MVK: variants seen among roughly 807,000 people sequenced by gnomAD.
The protein encoded by MVK is mevalonate kinase, also known as LH receptor mRNA-binding protein.
Under a neutral mutation model 43.2 loss-of-function variants are expected in MVK, and 34 were observed. The ratio of observed to expected loss-of-function variants is 0.79; its 90% CI spans 0.60 to 1.05. The LOEUF is 1.05. Ranked by LOEUF, MVK falls within the 50% of genes least tolerant of loss-of-function variation. MVK has a pLI of 0.00. For missense variants in MVK, 395 were observed against 504.0 expected, an observed-to-expected ratio of 0.78 and a Z score of 2.07; for synonymous variants, 190 against 219.8, an observed-to-expected ratio of 0.86 and a Z score of 1.20.
At chr12:109,582,109 G>A (rs1477328566) in intron 5 of MVK, among the ~76,000 whole-genome samples, 10 of 152,180 alleles carry the variant, frequency 6.6e-5, no homozygotes, top group Non-Finnish European at 1.0e-4. Context: ...TATTGACCAC[G>A]TGAGTCAGTG....
At position 109,596,871 on chromosome 12, in the gene MVK, T is replaced by C; in HGVS notation, c.*294T>C. The C allele has an allele frequency of 2.0e-6, 1 of 503,366 alleles. No homozygotes were observed. The highest frequency in any genetic ancestry group is 3.6e-6 in the Non-Finnish European group (1 of 275,800). 31.2% of individuals were successfully genotyped at this position (503,366 alleles called of 1,614,324 possible). ...TCCCTGAAGCTCCCACAGTCCCATCTGCTTCAGGCCCCCGCCTTGGCCTGT... is the reference window on the plus strand; with the variant it reads ...TCCCTGAAGCTCCCACAGTCCCATCCGCTTCAGGCCCCCGCCTTGGCCTGT... On this transcript the variant is annotated 3_prime_UTR_variant, in exon 11 of 11. Coordinates refer to ENST00000228510, the MANE Select transcript of MVK (RefSeq NM_000431.4).
chr12:109,580,892 G>A (rs922431422), intron 4 of MVK, among the ~76,000 whole-genome samples: 4 of 152,164 alleles, frequency 2.6e-5, no homozygotes, highest in South Asian at 2.1e-4. Context: ...GTGAGGCAGC[G>A]GTGGAGGGAG....
At chr12:109,593,911 T>C (rs1885800113) in intron 9 of MVK, among the ~76,000 whole-genome samples, 1 of 151,578 alleles carries the variant, frequency 6.6e-6, no homozygotes, top group African/African-American at 2.4e-5. Flanking sequence ...AGAGATGGGG[T>C]TTCGCCATGT....
At chr12:109,573,452 A>C, upstream of MVK, 1 of 1,607,722 alleles carries the variant, frequency 6.2e-7, no homozygotes, top group Non-Finnish European at 8.5e-7. Flanking sequence ...CCCCAGGCCA[A>C]GACGGCTCCC....
intron 3 of MVK, among the ~76,000 whole-genome samples, chr12:109,579,601 G>A (rs545897145): frequency 1.1e-4 from 17 of 152,266 alleles, no homozygotes; most frequent in South Asian, 6.2e-4. Flanking sequence ...TAAGTCACAC[G>A]GCCAGTAAAT....
At chr12:109,584,846 C>T (rs1885367476) in intron 5 of MVK, among the ~76,000 whole-genome samples, 1 of 152,178 alleles carries the variant, frequency 6.6e-6, no homozygotes, top group Non-Finnish European at 1.5e-5. Flanking sequence ...GATCGTGCCA[C>T]AGCACTCCAG....
upstream of MVK, chr12:109,573,403 C>T (rs539715623): frequency 4.3e-6 from 7 of 1,611,192 alleles, no homozygotes; most frequent in African/African-American, 5.3e-5. Context: ...GATACAGGAG[C>T]CTGGCGGCGC....
rs557142588 is a variant in MVK, at chr12:109,591,545, C to T, written c.885+188C>T. 2.0e-5 allele frequency among the ~76,000 whole-genome samples: 3 copies of T among 152,340 alleles called. No homozygotes were observed. The East Asian group carries it at 5.8e-4, about 29-fold the overall frequency. On this transcript the variant is annotated intron_variant, in intron 9 of 10. Transcript: ENST00000228510. ...CATATAAGCGTATCTTATTTTCAGG[C>T]CTCTTCCTGGGTGATTCCGAGTAAT...
intron 3 of MVK, among the ~76,000 whole-genome samples, chr12:109,578,128 G>A (rs571068650): frequency 2.6e-5 from 4 of 152,278 alleles, no homozygotes; most frequent in East Asian, 1.9e-4. Flanking sequence ...TTAGGGGTGC[G>A]ACACAGAGTG....
chr12:109,585,739 GAC>G (rs1397179928), intron 5 of MVK, among the ~76,000 whole-genome samples: 3 of 151,780 alleles, frequency 2.0e-5, no homozygotes, highest in Non-Finnish European at 1.5e-5. Context: ...CAGCCTGGGT[GAC>G]AGAGTGAGAC....
At position 109,586,734 on chromosome 12, in the gene MVK, C is replaced by T. The variant is rs762852843; in HGVS notation, c.632-20C>T. On this transcript the variant is annotated intron_variant, in intron 6 of 10. Transcript: ENST00000228510. The stretch of plus-strand genomic sequence containing the variant: ...TGTTAGCTTTTCCCACAGCTCTGAC[C>T]CACTGGTTTTTCTCTTTAGGAGGAG... 1 of 1,613,860 alleles carries T rather than the reference C, an allele frequency of 6.2e-7. No individual in the cohort carries two copies.
chr12:109,575,856 T>A, intron 2 of MVK, 142 bp from the exon 3 acceptor site: 2 of 998,296 alleles, frequency 2.0e-6, no homozygotes, highest in South Asian at 2.7e-5. Flanking sequence ...TGGGAGAGCA[T>A]GCCAAGGTTG....
intron 5 of MVK, among the ~76,000 whole-genome samples, chr12:109,585,630 G>A (rs908155179): frequency 5.3e-5 from 8 of 152,148 alleles, no homozygotes; most frequent in Admixed American, 2.6e-4. Flanking sequence ...TTAGCTGGGC[G>A]TGCTGGTGTG....
Position 109,581,445 on chromosome 12 carries a change from C to T in MVK, c.422C>T (p.Ala141Val), listed in dbSNP as rs1306527338. 3 of 1,614,016 alleles carry T rather than the reference C, an allele frequency of 1.9e-6. No homozygotes were observed. The highest frequency in any genetic ancestry group is 2.2e-5 in the East Asian group (1 of 44,880). ...IVVWSELPPG[A>V]GLGSSAAYSV... ...GTGTGGTCGGAGCTGCCCCCCGGGGCGGGCTTGGGCTCCAGCGCCGCCTAC... is the reference window on the plus strand; with the variant it reads ...GTGTGGTCGGAGCTGCCCCCCGGGGTGGGCTTGGGCTCCAGCGCCGCCTAC... The change falls in exon 5 of 11, where the codon GCG becomes GTG. Residue 141 changes from alanine (A) to valine (V), a missense_variant. Physicochemically the swap from Ala to Val is moderately conservative, Grantham distance 64. Coordinates refer to ENST00000228510, the MANE Select transcript of MVK (RefSeq NM_000431.4).
rs1310728386 is a variant in MVK at position 109,586,786 on chromosome 12, T to A, written c.664T>A (p.Ser222Thr). The A allele has an allele frequency of 6.2e-7, 1 of 1,614,168 alleles. No homozygotes were observed. Among genetic ancestry groups the A allele is most frequent in the Admixed American group, 1.7e-5 (1 of 60,026 alleles). Residue 222 changes from serine to threonine, a missense_variant, in exon 7 of 11, where the codon TCA (serine) becomes ACA (threonine). Ser to Thr is a moderately conservative substitution (Grantham distance 58). Coordinates refer to ENST00000228510, the MANE Select transcript of MVK (RefSeq NM_000431.4). ...GALRYHQGKI[S>T]SLKRSPALQI... ...CCTCCGATACCATCAAGGGAAGATT[T>A]CATCCTTAAAGAGGTAACCTGGGGG... is the stretch of plus-strand genomic sequence containing the variant.
chr12:109,591,096 A>C, intron 8 of MVK, 145 bp from the exon 9 acceptor site: 1 of 953,818 alleles, frequency 1.0e-6, no homozygotes, highest in East Asian at 2.5e-5. Flanking sequence ...GAAGGCAAAA[A>C]AACAGGCTCA....
chr12:109,590,661 C>T, intron 7 of MVK, 110 bp from the exon 8 acceptor site: 3 of 944,976 alleles, frequency 3.2e-6, no homozygotes, highest in Admixed American at 1.8e-5. Context: ...CCTCTTGTGC[C>T]TCCCTTCTTC....
chr12:109,594,906 A>G lies in MVK; in HGVS notation c.886-122A>G. The G allele has an allele frequency of 2.5e-6, 3 of 1,195,990 alleles. No individual in the cohort carries two copies. In the South Asian group the frequency reaches 3.8e-5, roughly 15 times the overall value. The allele number at this position is 1,195,990 out of a possible 1,614,324, so 74.1% of individuals were successfully genotyped here. ...AGTGGAGAGGGCCAGGGTGCCAGGT[A>G]GGCAAAGCCGTTGGCTGTCTCCAGC... On this transcript the variant is annotated intron_variant, in intron 9 of 10. Coordinates refer to ENST00000228510, the MANE Select transcript of MVK (RefSeq NM_000431.4).
intron 9 of MVK, among the ~76,000 whole-genome samples, chr12:109,594,290 A>C (rs1885817861): frequency 6.6e-6 from 1 of 152,132 alleles, no homozygotes; most frequent in Non-Finnish European, 1.5e-5. Flanking sequence ...TTTTTCATCC[A>C]CATGCATCTT....
Sources: gnomAD v4.1 joint callset for allele counts (sites outside exome capture counted in the v4.1 genomes callset) on GRCh38, gnomAD v4.1.1 for gene constraint, MANE v1.5 for transcripts, NCBI Gene and HGNC (gene_info 2026-07-23, HGNC 2026-07-21) for gene names.